ASTN2: variants seen among roughly 807,000 people sequenced by gnomAD.
ASTN2 encodes astrotactin 2, also known as astrotactin-2.
ASTN2 carries 54 observed loss-of-function variants against 139.8 expected under a neutral mutation model. The observed-to-expected ratio is 0.39, with a 90% CI of 0.31 to 0.48. ASTN2 has a LOEUF of 0.48. Among genes scored for constraint, ASTN2 ranks in the 20% least tolerant of loss-of-function variants. The pLI is 0.95. For synonymous variants in ASTN2, 756 were observed against 719.5 expected (o/e 1.05, Z -0.81); for missense variants, 1,565 against 1,725.1 (o/e 0.91, Z 1.64).
At chr9:116,976,054 C>G in intron 9 of ASTN2, 60 bp downstream of exon 9, 1 of 1,523,914 alleles carries the variant, frequency 6.6e-7, no homozygotes, top group African/African-American at 1.4e-5. Context: ...ATGACCACAT[C>G]TTCCTATCAG....
intron 1 of ASTN2, among the ~76,000 whole-genome samples, chr9:117,375,792 G>C (rs1830107175): frequency 6.6e-6 from 1 of 152,106 alleles, no homozygotes; most frequent in Non-Finnish European, 1.5e-5. Flanking sequence ...TCCAAAGTGG[G>C]CTTTTGTGGG....
intron 2 of ASTN2, among the ~76,000 whole-genome samples, chr9:117,283,356 T>C (rs1365524644): frequency 1.3e-5 from 2 of 152,204 alleles, no homozygotes; most frequent in Admixed American, 1.3e-4. Flanking sequence ...GCCACAAGGT[T>C]CATGTGACTT....
chr9:117,083,809 T>C (rs950644170), intron 5 of ASTN2, among the ~76,000 whole-genome samples: 2 of 152,056 alleles, frequency 1.3e-5, no homozygotes, highest in Non-Finnish European at 2.9e-5. Context: ...CTGACAGCCA[T>C]CTCCCTCCCT....
chr9:116,812,495 A>C (rs1167332045), intron 12 of ASTN2, among the ~76,000 whole-genome samples: 1 of 152,106 alleles, frequency 6.6e-6, no homozygotes, highest in Non-Finnish European at 1.5e-5. Context: ...AAGGAAATAG[A>C]TCTTCCCCTA....
At chr9:116,798,591 G>C (rs1324634284) in intron 13 of ASTN2, among the ~76,000 whole-genome samples, 1 of 152,198 alleles carries the variant, frequency 6.6e-6, no homozygotes, top group African/African-American at 2.4e-5. Context: ...GTCTTACAAT[G>C]TGCTGAGATA....
chr9:116,453,885 T>C (rs1848250170), intron 20 of ASTN2, among the ~76,000 whole-genome samples: 1 of 152,170 alleles, frequency 6.6e-6, no homozygotes, highest in Non-Finnish European at 1.5e-5. Context: ...ATGACAGCAA[T>C]ATCCACTTTT....
In ASTN2 at chr9:116,621,911, C is replaced by T. The variant is rs2131832557; in HGVS notation, c.3073-1468G>A. 1.3e-5 allele frequency among the ~76,000 whole-genome samples: 2 copies of T among 152,314 alleles called. 1 individual carries two copies. Among genetic ancestry groups the T allele is most frequent in the South Asian group, 4.1e-4 (2 of 4,824 alleles). On this transcript the variant is annotated intron_variant, in intron 17 of 22. Transcript: ENST00000313400. ...AGATAACTTCAGTGTGTGCTTGATG[C>T]TAACACTGACATTTCAACGCACTGC...
intron 2 of ASTN2, among the ~76,000 whole-genome samples, chr9:117,231,308 T>C (rs991771597): frequency 6.6e-6 from 1 of 152,226 alleles, no homozygotes; most frequent in Non-Finnish European, 1.5e-5. Flanking sequence ...CTCTTTGGCA[T>C]ATATTTGCCT....
chr9:116,484,355 A>C (rs1296505112), intron 20 of ASTN2, among the ~76,000 whole-genome samples: 1 of 152,184 alleles, frequency 6.6e-6, no homozygotes, highest in Non-Finnish European at 1.5e-5. Context: ...TAGAGCAGTG[A>C]AAAACCTGCC....
At chr9:117,167,295 A>T (rs1256365687) in intron 3 of ASTN2, among the ~76,000 whole-genome samples, 1 of 152,104 alleles carries the variant, frequency 6.6e-6, no homozygotes, top group African/African-American at 2.4e-5. Flanking sequence ...CATTTCCTTA[A>T]TTGCTAAATT....
At chr9:116,538,208 GA>G (rs1306385178) in intron 19 of ASTN2, among the ~76,000 whole-genome samples, 2 of 151,962 alleles carry the variant, frequency 1.3e-5, no homozygotes, top group Admixed American at 6.6e-5. Flanking sequence ...TGGAGGAAGG[GA>G]AAGAGGGAAG....
chr9:116,530,104 T>G (rs1279560654), intron 19 of ASTN2, among the ~76,000 whole-genome samples: 5 of 16,844 alleles, frequency 3.0e-4, no homozygotes, highest in Admixed American at 4.9e-4. Flanking sequence ...GATATATATA[T>G]ATATATATAT....
intron 2 of ASTN2, among the ~76,000 whole-genome samples, chr9:117,279,466 A>G (rs920134648): frequency 3.9e-5 from 6 of 152,328 alleles, no homozygotes; most frequent in African/African-American, 1.4e-4. Context: ...TTAACTGTAG[A>G]AACTATTACT....
At chr9:116,780,028 C>T (rs1349226788) in intron 13 of ASTN2, among the ~76,000 whole-genome samples, 1 of 152,180 alleles carries the variant, frequency 6.6e-6, no homozygotes, top group East Asian at 1.9e-4. Context: ...TCTCTCATCA[C>T]ACATTCATTC....
chr9:116,703,175 C>T (rs1027390243), intron 16 of ASTN2, among the ~76,000 whole-genome samples: 2 of 151,482 alleles, frequency 1.3e-5, no homozygotes, highest in East Asian at 1.9e-4. Context: ...GCCATTCTAA[C>T]TGGTGTGAGA....
intron 6 of ASTN2, among the ~76,000 whole-genome samples, chr9:117,014,391 T>C (rs960255254): frequency 2.6e-5 from 4 of 152,128 alleles, no homozygotes; most frequent in Non-Finnish European, 5.9e-5. Flanking sequence ...CCTGGATACC[T>C]GGGAGAAAAC....
At chr9:116,487,883 TCTC>T (rs775982083) in intron 19 of ASTN2, among the ~76,000 whole-genome samples, 6 of 141,506 alleles carry the variant, frequency 4.2e-5, no homozygotes, top group African/African-American at 6.4e-5. Context: ...GCAAAGCTCT[TCTC>T]TCTTAGAATT....
At chr9:117,093,853 C>A (rs528750653) in intron 5 of ASTN2, among the ~76,000 whole-genome samples, 19 of 152,122 alleles carry the variant, frequency 1.2e-4, no homozygotes, top group African/African-American at 4.1e-4. Flanking sequence ...CTGCAAAAAG[C>A]GTAGGGTAAT....
At chr9:116,760,394 C>T (rs531101261) in intron 13 of ASTN2, among the ~76,000 whole-genome samples, 5 of 152,320 alleles carry the variant, frequency 3.3e-5, no homozygotes, top group Admixed American at 2.0e-4. Flanking sequence ...AATGATAACA[C>T]CCATCTTTGA....
Sources: gnomAD v4.1 joint callset for allele counts (sites outside exome capture counted in the v4.1 genomes callset) on GRCh38, gnomAD v4.1.1 for gene constraint, MANE v1.5 for transcripts, NCBI Gene and HGNC (gene_info 2026-07-23, HGNC 2026-07-21) for gene names.